Variants in AFG2A observed in about 807,000 individuals in gnomAD.
AFG2A encodes ATPase family gene 2 protein homolog A.
At chr4:123,088,586 T>G in the AFG2A span, among the ~76,000 whole-genome samples, 110,836 of 152,098 alleles carry the variant, frequency 0.73, 40,959 homozygotes, top group East Asian at 0.97. Flanking sequence ...AATCCCCGTA[T>G]GTTGGAGGAG....
the AFG2A span, among the ~76,000 whole-genome samples, chr4:123,027,967 A>AG: frequency 2.5e-4 from 2 of 8,008 alleles, no homozygotes; most frequent in Non-Finnish European, 5.4e-4. Context: ...TTACAAGCAG[A>AG]ATTTTTTTTT....
At chr4:123,066,463 C>T in the AFG2A span, among the ~76,000 whole-genome samples, 12 of 152,050 alleles carry the variant, frequency 7.9e-5, no homozygotes, top group Non-Finnish European at 1.8e-4. Flanking sequence ...TCAGAAGAAA[C>T]ATGTAATTCT....
the AFG2A span, among the ~76,000 whole-genome samples, chr4:123,076,635 T>C: frequency 1.4e-4 from 22 of 151,910 alleles, no homozygotes; most frequent in Admixed American, 1.4e-3. Context: ...CAAGTAAACA[T>C]AGAAGAGATT....
chr4:123,251,988 A>G, the AFG2A span, among the ~76,000 whole-genome samples: 1 of 152,140 alleles, frequency 6.6e-6, no homozygotes, highest in East Asian at 1.9e-4. Flanking sequence ...AGCATTTTCC[A>G]AAGTGGAAAA....
At chr4:123,022,890 A>G in the AFG2A span, among the ~76,000 whole-genome samples, 3 of 152,122 alleles carry the variant, frequency 2.0e-5, no homozygotes, top group Non-Finnish European at 4.4e-5. Context: ...TTGTAGGGAC[A>G]TGGATGAAAT....
the AFG2A span, among the ~76,000 whole-genome samples, chr4:123,253,665 G>A: frequency 6.6e-6 from 1 of 151,976 alleles, no homozygotes; most frequent in Non-Finnish European, 1.5e-5. Context: ...AATAAAATTT[G>A]TGAACTTCCA....
chr4:122,938,139 A>T, the AFG2A span: 1 of 1,603,766 alleles, frequency 6.2e-7, no homozygotes, highest in Non-Finnish European at 8.5e-7. Flanking sequence ...CCCATCAATT[A>T]TTTTTATTGA....
the AFG2A span, among the ~76,000 whole-genome samples, chr4:123,240,171 C>T: frequency 2.7e-5 from 4 of 149,828 alleles, no homozygotes; most frequent in Admixed American, 6.6e-5. Context: ...CACCCAGATT[C>T]ATAAAGCAAT....
the AFG2A span, among the ~76,000 whole-genome samples, chr4:122,971,679 AT>A: frequency 1.3e-5 from 2 of 151,924 alleles, no homozygotes; most frequent in Admixed American, 6.6e-5. Flanking sequence ...AATATTAAGA[AT>A]TTTTTTTGTT....
chr4:123,052,695 G>A, the AFG2A span, among the ~76,000 whole-genome samples: 4 of 152,142 alleles, frequency 2.6e-5, no homozygotes, highest in Non-Finnish European at 4.4e-5. Context: ...GTTCTCCAGA[G>A]GGACAGAACT....
At chr4:122,978,109 C>G in the AFG2A span, among the ~76,000 whole-genome samples, 1 of 151,648 alleles carries the variant, frequency 6.6e-6, no homozygotes, top group Admixed American at 6.6e-5. Context: ...ATCTGGCATC[C>G]CAGCTAGTGT....
At chr4:123,256,854 C>G in the AFG2A span, 5 of 982,310 alleles carry the variant, frequency 5.1e-6, no homozygotes, top group Non-Finnish European at 6.0e-6. Context: ...TTTTATTTAC[C>G]AAATAAAATT....
At chr4:123,080,384 C>T in the AFG2A span, among the ~76,000 whole-genome samples, 1 of 152,214 alleles carries the variant, frequency 6.6e-6, no homozygotes, top group Non-Finnish European at 1.5e-5. Flanking sequence ...GGCATGCTGA[C>T]CTTGGACTTC....
At chr4:123,249,432 A>G in the AFG2A span, among the ~76,000 whole-genome samples, 1 of 152,154 alleles carries the variant, frequency 6.6e-6, no homozygotes, top group East Asian at 1.9e-4. Flanking sequence ...GAGAAATGCT[A>G]TACTTGAACT....
At chr4:123,071,261 AC>A in the AFG2A span, among the ~76,000 whole-genome samples, 27 of 152,156 alleles carry the variant, frequency 1.8e-4, no homozygotes, top group African/African-American at 6.5e-4. Flanking sequence ...CGGGTGGATC[AC>A]CTAAGGTCAG....
chr4:123,041,561 C>T, the AFG2A span, among the ~76,000 whole-genome samples: 767 of 151,484 alleles, frequency 5.1e-3, 4 homozygotes, highest in Non-Finnish European at 5.7e-3. Flanking sequence ...GACGGAGTTT[C>T]GCTCTTGTTG....
the AFG2A span, among the ~76,000 whole-genome samples, chr4:123,020,299 A>G: frequency 6.6e-6 from 1 of 152,268 alleles, no homozygotes; most frequent in Non-Finnish European, 1.5e-5. Context: ...ATTATGGATA[A>G]TATAGAAATT....
At chr4:122,954,377 A>G in the AFG2A span, among the ~76,000 whole-genome samples, 1 of 152,088 alleles carries the variant, frequency 6.6e-6, no homozygotes, top group South Asian at 2.1e-4. Context: ...GTGGTATGCT[A>G]CCATCTTTCA....
the AFG2A span, among the ~76,000 whole-genome samples, chr4:123,046,489 C>T: frequency 5.1e-4 from 78 of 152,118 alleles, 1 homozygote; most frequent in African/African-American, 1.2e-3. Context: ...TAATGAGCTA[C>T]GCATTTATTT....
Sources: allele counts gnomAD v4.1 joint callset (sites outside exome capture counted in the v4.1 genomes callset), GRCh38; gene constraint gnomAD v4.1.1; transcripts MANE v1.5; gene names NCBI Gene and HGNC (gene_info 2026-07-23, HGNC 2026-07-21).